Variants in CSMD3 observed in about 807,000 individuals in gnomAD.
CSMD3 encodes CUB and sushi domain-containing protein 3.
Under a neutral mutation model 435.2 loss-of-function variants are expected in CSMD3, and 177 were observed. The observed-to-expected ratio is 0.41, with a 90% CI of 0.36 to 0.46. The LOEUF is 0.46. CSMD3 is among the 20% of genes least tolerant of loss of function. The pLI is 0.34. For missense variants in CSMD3, 4,265 were observed against 4,504.6 expected (o/e 0.95, Z 1.52); for synonymous variants, 1,656 against 1,520.5 (o/e 1.09, Z -2.07).
At chr8:112,587,341 A>T (rs1251033150) in intron 22 of CSMD3, 106 bp from the exon 23 acceptor site, 1 of 819,456 alleles carries the variant, frequency 1.2e-6, no homozygotes, top group African/African-American at 1.7e-5. Flanking sequence ...CCTAAAGCCT[A>T]GTAGAAAAAT....
At chr8:112,401,002 T>C (rs1831287675) in intron 35 of CSMD3, among the ~76,000 whole-genome samples, 1 of 152,000 alleles carries the variant, frequency 6.6e-6, no homozygotes, top group African/African-American at 2.4e-5. Flanking sequence ...AGGTCAGCAG[T>C]TCAAGACCAG....
chr8:112,493,971 G>A (rs1820959837), intron 30 of CSMD3, among the ~76,000 whole-genome samples: 1 of 152,018 alleles, frequency 6.6e-6, no homozygotes, highest in African/African-American at 2.4e-5. Context: ...CTGAATATGA[G>A]TCATGGAATC....
intron 10 of CSMD3, among the ~76,000 whole-genome samples, chr8:112,905,458 T>C (rs2082234944): frequency 6.6e-6 from 1 of 151,322 alleles, no homozygotes; most frequent in Non-Finnish European, 1.5e-5. Context: ...ACTGCTTTTG[T>C]TCTGGAATAT....
chr8:113,406,133 T>C (rs2094531828), intron 1 of CSMD3, among the ~76,000 whole-genome samples: 1 of 151,916 alleles, frequency 6.6e-6, no homozygotes, highest in Non-Finnish European at 1.5e-5. Flanking sequence ...GTGTTTTACA[T>C]ATAACAGCGA....
At chr8:112,693,242 G>C (rs1361270563) in intron 13 of CSMD3, among the ~76,000 whole-genome samples, 2 of 152,008 alleles carry the variant, frequency 1.3e-5, no homozygotes, top group East Asian at 1.9e-4. Context: ...TACAGAAAAG[G>C]AAAAGATTAA....
At chr8:112,370,021 GAGGAAGAAGAA>G in intron 38 of CSMD3, among the ~76,000 whole-genome samples, 2 of 113,702 alleles carry the variant, frequency 1.8e-5, no homozygotes, top group Non-Finnish European at 3.7e-5. Context: ...GGAAGAAGAA[GAGGAAGAAGAA>G]GAAGAAGAAG....
At chr8:113,424,849 G>T (rs2094627198) in intron 1 of CSMD3, among the ~76,000 whole-genome samples, 1 of 151,390 alleles carries the variant, frequency 6.6e-6, no homozygotes, top group Non-Finnish European at 1.5e-5. Flanking sequence ...CCTGTGATAA[G>T]GTAATGATAC....
chr8:112,952,829 A>G (rs1317943677), intron 8 of CSMD3, among the ~76,000 whole-genome samples: 3 of 151,546 alleles, frequency 2.0e-5, no homozygotes, highest in Non-Finnish European at 4.4e-5. Context: ...CTTTTTGCCT[A>G]TTTTAAAGCA....
chr8:113,323,186 A>G (rs1301555643), intron 1 of CSMD3, among the ~76,000 whole-genome samples: 1 of 152,140 alleles, frequency 6.6e-6, no homozygotes, highest in East Asian at 1.9e-4. Context: ...TCTGTTTTCA[A>G]TGTTTTTCCC....
chr8:113,134,768 T>A (rs532927463), intron 4 of CSMD3, among the ~76,000 whole-genome samples: 7 of 152,138 alleles, frequency 4.6e-5, no homozygotes, highest in African/African-American at 1.7e-4. Flanking sequence ...TACCTGAGGT[T>A]AGGTAATTAA....
intron 7 of CSMD3, among the ~76,000 whole-genome samples, chr8:112,974,233 T>C (rs2084764523): frequency 2.0e-5 from 3 of 151,954 alleles, no homozygotes; most frequent in South Asian, 2.1e-4. Context: ...TGGTTGACTA[T>C]TAAACTTTTC....
intron 38 of CSMD3, among the ~76,000 whole-genome samples, chr8:112,370,461 T>C (rs1274137760): frequency 2.0e-5 from 3 of 152,170 alleles, no homozygotes; most frequent in Admixed American, 6.5e-5. Flanking sequence ...AGAGGAAAAA[T>C]AAAGTCCTTA....
chr8:112,226,107 T>C (rs1328539008), intron 70 of CSMD3, among the ~76,000 whole-genome samples: 1 of 152,150 alleles, frequency 6.6e-6, no homozygotes, highest in African/African-American at 2.4e-5. Context: ...TATTTTATTA[T>C]CACTAATGCA....
At chr8:113,116,693 G>A (rs192862588) in intron 4 of CSMD3, among the ~76,000 whole-genome samples, 18 of 152,252 alleles carry the variant, frequency 1.2e-4, no homozygotes, top group Admixed American at 2.0e-4. Context: ...GACTTAGAGA[G>A]GGCTCAGAAA....
At chr8:112,693,537 A>T (rs1443176266) in intron 13 of CSMD3, among the ~76,000 whole-genome samples, 1 of 151,960 alleles carries the variant, frequency 6.6e-6, no homozygotes, top group Admixed American at 6.6e-5. Flanking sequence ...ATTGATTTTA[A>T]TTCTTTCATA....
intron 30 of CSMD3, among the ~76,000 whole-genome samples, chr8:112,498,895 C>T (rs2130890489): frequency 6.6e-6 from 1 of 152,144 alleles, no homozygotes; most frequent in East Asian, 1.9e-4. Context: ...TGAATTATGA[C>T]TTGATTTTAA....
chr8:113,005,912 A>C (rs146703991), intron 6 of CSMD3, among the ~76,000 whole-genome samples: 2 of 152,010 alleles, frequency 1.3e-5, no homozygotes, highest in African/African-American at 4.8e-5. Context: ...TGATAACAAG[A>C]TTTATCACAA....
intron 32 of CSMD3, among the ~76,000 whole-genome samples, chr8:112,420,340 G>C (rs138856306): frequency 6.6e-6 from 1 of 152,054 alleles, no homozygotes; most frequent in African/African-American, 2.4e-5. Context: ...TTCCATAAAT[G>C]CTTTGGTATT....
chr8:113,435,671 G>A (rs1186357647), intron 1 of CSMD3, among the ~76,000 whole-genome samples: 2 of 151,704 alleles, frequency 1.3e-5, no homozygotes, highest in Non-Finnish European at 2.9e-5. Context: ...CACTGAAAGC[G>A]GCATCCATAG....
Sources: allele counts gnomAD v4.1 joint callset (sites outside exome capture counted in the v4.1 genomes callset), GRCh38; gene constraint gnomAD v4.1.1; transcripts MANE v1.5; gene names NCBI Gene and HGNC (gene_info 2026-07-23, HGNC 2026-07-21).